NKD1: variants seen among roughly 807,000 people sequenced by gnomAD.
NKD1 encodes NKD inhibitor of Wnt signaling pathway 1.
Under a neutral mutation model 56.0 loss-of-function variants are expected in NKD1, and 21 were observed. The ratio of observed to expected loss-of-function variants is 0.38; its 90% CI spans 0.27 to 0.54. The LOEUF is 0.54. NKD1 is among the 20% of genes least tolerant of loss of function. The pLI is 0.82. For synonymous variants in NKD1, 263 were observed against 265.7 expected (o/e 0.99, Z 0.10); for missense variants, 578 against 642.7 (o/e 0.90, Z 1.09).
rs762504968 is a variant in NKD1, at chr16:50,633,194, T to G, written c.826T>G (p.Ser276Ala). 1 of 1,601,044 alleles carries G rather than the reference T, an allele frequency of 6.2e-7. No homozygotes were observed. The highest frequency in any genetic ancestry group is 2.2e-5 in the East Asian group (1 of 44,652). The change falls in exon 10 of 10, where the codon TCC becomes GCC. Residue 276 changes from serine to alanine, a missense_variant and splice_region_variant. By Grantham distance (99) the Ser-to-Ala change is moderately conservative. Coordinates refer to ENST00000268459, the MANE Select transcript of NKD1 (RefSeq NM_033119.5). The surrounding 1 kb of genome is among the most constrained non-coding windows in gnomAD (Gnocchi z 4.9). ...ATGTCTGTTGAATTGGTTCCTAGGC[T>G]CCCCTTCCGTGGCCCAGAAGTCAGA... The part of the protein sequence containing the change: ...ENYTSQFGPG[S>A]PSVAQKSELP...
intron 4 of NKD1, among the ~76,000 whole-genome samples, chr16:50,612,722 G>A (rs1232192311): frequency 6.6e-6 from 1 of 152,192 alleles, no homozygotes; most frequent in Non-Finnish European, 1.5e-5. Context: ...CCCCAGAGTG[G>A]AGGGAACTTG....
intron 3 of NKD1, chr16:50,606,948 C>T (rs943216485): frequency 2.2e-6 from 1 of 456,694 alleles, no homozygotes; most frequent in African/African-American, 2.0e-5. Context: ...CATCGTCTCC[C>T]AGCTCCCCTG....
chr16:50,580,364 G>A (rs1961091591), intron 3 of NKD1, among the ~76,000 whole-genome samples: 1 of 152,272 alleles, frequency 6.6e-6, no homozygotes, highest in South Asian at 2.1e-4. Flanking sequence ...TTAGAGCGGT[G>A]CCTTAGCAAA....
Position 50,648,141 on chromosome 16 carries a change from C to G in NKD1, c.*14360C>G, listed in dbSNP as rs541365168. The G allele has an allele frequency of 3.9e-4, 59 of 152,874 alleles. 1 individual carries two copies. The highest frequency in any genetic ancestry group is 1.4e-3 in the African/African-American group (58 of 41,580). 9.5% of individuals were successfully genotyped at this position (152,874 alleles called of 1,614,324 possible). The stretch of plus-strand genomic sequence containing the variant: ...CCTCCTTTTCTCTCTTCTATAGCCA[C>G]TCACTCCTGGGCCCCACTGTGAACC... On this transcript the variant is annotated 3_prime_UTR_variant, in exon 10 of 10. Coordinates refer to ENST00000268459, the MANE Select transcript of NKD1 (RefSeq NM_033119.5).
At chr16:50,621,304 G>A (rs998710041) in intron 4 of NKD1, among the ~76,000 whole-genome samples, 2 of 152,174 alleles carry the variant, frequency 1.3e-5, no homozygotes, top group African/African-American at 4.8e-5. Flanking sequence ...CTGCCCTCTG[G>A]CCTGACACTG....
intron 3 of NKD1, chr16:50,572,989 T>G (rs1232998077): frequency 2.4e-5 from 11 of 451,384 alleles, no homozygotes; most frequent in Non-Finnish European, 3.2e-5. Context: ...GTTGTGCAAA[T>G]GTAGGCAACT....
At chr16:50,557,705 A>C (rs1436389787) in intron 3 of NKD1, 1 of 152,244 alleles carries the variant, frequency 6.6e-6, no homozygotes, top group African/African-American at 2.4e-5. Flanking sequence ...TTGTCATGAT[A>C]GATTATTCTT....
chr16:50,596,924 G>C (rs1961485349), intron 3 of NKD1, among the ~76,000 whole-genome samples: 1 of 152,182 alleles, frequency 6.6e-6, no homozygotes, highest in Non-Finnish European at 1.5e-5. Context: ...CCTGAATGGG[G>C]AATGAGCTGA....
chr16:50,595,090 C>T (rs555910954), intron 3 of NKD1, among the ~76,000 whole-genome samples: 2 of 152,312 alleles, frequency 1.3e-5, no homozygotes, highest in East Asian at 3.9e-4. Flanking sequence ...GGTGCTCCAG[C>T]CCTTGGCAGT....
At chr16:50,568,105 C>T (rs531660770) in intron 3 of NKD1, among the ~76,000 whole-genome samples, 1 of 152,302 alleles carries the variant, frequency 6.6e-6, no homozygotes, top group South Asian at 2.1e-4. Context: ...TTGGATGGGC[C>T]CTTTGAGGGG....
At chr16:50,631,238 C>T (rs924007415) in intron 8 of NKD1, among the ~76,000 whole-genome samples, 1 of 152,064 alleles carries the variant, frequency 6.6e-6, no homozygotes, top group African/African-American at 2.4e-5. Flanking sequence ...AGATAAAGAC[C>T]GTAAACACCT....
At chr16:50,581,977 G>A (rs916617238) in intron 3 of NKD1, among the ~76,000 whole-genome samples, 5 of 152,162 alleles carry the variant, frequency 3.3e-5, no homozygotes, top group African/African-American at 9.7e-5. Context: ...TGGGGCTGCT[G>A]GGGTGGAAGG....
intron 3 of NKD1, chr16:50,574,980 A>G (rs1193229454): frequency 2.0e-6 from 2 of 985,226 alleles, no homozygotes; most frequent in Non-Finnish European, 1.2e-6. Flanking sequence ...TTAAAAGCAT[A>G]ACCCTGGTGC....
chr16:50,636,039 A>C lies in NKD1; in HGVS notation c.*2258A>C, dbSNP rs1342616612. On this transcript the variant is annotated 3_prime_UTR_variant, in exon 10 of 10. Transcript: ENST00000268459. ...TGCTGGCCTTCTGGGTCCCCTAACC[A>C]TAAGAAAAAGGACCTTCCGTTAGTG... The C allele has an allele frequency of 6.6e-6, 1 of 152,326 alleles. No individual in the cohort carries two copies. Among genetic ancestry groups the C allele is most frequent in the East Asian group, 1.9e-4 (1 of 5,168 alleles). The allele number at this position is 152,326 out of a possible 1,614,324, so 9.4% of individuals were successfully genotyped here. A position where few individuals can be genotyped will look rare whatever the true frequency, so the allele number is the denominator to read the frequency against.
chr16:50,621,007 G>A (rs973719525), intron 4 of NKD1, among the ~76,000 whole-genome samples: 4 of 152,222 alleles, frequency 2.6e-5, no homozygotes, highest in African/African-American at 7.2e-5. Context: ...CAGGTGTGAT[G>A]CATGAGTGTA....
In NKD1 at chr16:50,598,373, C is replaced by A. The variant is rs1177767047; in HGVS notation, c.193-9921C>A. Among the ~76,000 whole-genome samples, 1 of 152,110 alleles carries A rather than the reference C, an allele frequency of 6.6e-6. No individual in the cohort carries two copies. Among genetic ancestry groups the A allele is most frequent in the East Asian group, 1.9e-4 (1 of 5,180 alleles). On this transcript the variant is annotated intron_variant, in intron 3 of 9. Coordinates refer to ENST00000268459, the MANE Select transcript of NKD1 (RefSeq NM_033119.5). This position sits in a 1 kb window ranked among gnomAD's most constrained non-coding sequence, Gnocchi z 4.2. The stretch of plus-strand genomic sequence containing the variant: ...TCTGTTTCGTTTAGGTTCAGAAAAG[C>A]AAGAAGCTCAAGCCCTTCATTCCTG...
At position 50,575,236 on chromosome 16, in the gene NKD1, A is replaced by G. The variant is rs1351890092; in HGVS notation, c.192+25681A>G. On this transcript the variant is annotated intron_variant, in intron 3 of 9. Transcript: ENST00000268459. The stretch of plus-strand genomic sequence containing the variant: ...AAGTTCTTTAACTAGGGGCTGAGAG[A>G]TAGGGAGGCCAGTCTTCTGGGGTAA... The G allele has an allele frequency of 9.1e-6, 9 of 985,314 alleles. No individual in the cohort carries two copies. In the South Asian group the frequency reaches 2.8e-4, roughly 31 times the overall value. 61.0% of individuals were successfully genotyped at this position (985,314 alleles called of 1,614,324 possible). A position where few individuals can be genotyped will look rare whatever the true frequency, so the allele number is the denominator to read the frequency against.
Position 50,636,241 on chromosome 16 carries a change from C to G in NKD1, c.*2460C>G, listed in dbSNP as rs865797251. On this transcript the variant is annotated 3_prime_UTR_variant, in exon 10 of 10. Coordinates refer to ENST00000268459, the MANE Select transcript of NKD1 (RefSeq NM_033119.5). ...ACAGGAAGTAATGGCATCCCAGGCCCCGAATTGCTGCAACCCTGGAGGCCA... is the reference window on the plus strand; with the variant it reads ...ACAGGAAGTAATGGCATCCCAGGCCGCGAATTGCTGCAACCCTGGAGGCCA... 6.6e-6 allele frequency: 1 copy of G among 152,106 alleles called. No individual in the cohort carries two copies. Among genetic ancestry groups the G allele is most frequent in the African/African-American group, 2.4e-5 (1 of 41,400 alleles). The allele number at this position is 152,106 out of a possible 1,614,324, so 9.4% of individuals were successfully genotyped here.
intron 3 of NKD1, among the ~76,000 whole-genome samples, chr16:50,560,893 C>G (rs1445560666): frequency 2.8e-5 from 4 of 145,350 alleles, no homozygotes; most frequent in Non-Finnish European, 4.6e-5. Flanking sequence ...AAATATAATT[C>G]TTACTATAGG....
Sources: allele counts gnomAD v4.1 joint callset (sites outside exome capture counted in the v4.1 genomes callset), GRCh38; gene constraint gnomAD v4.1.1; non-coding constraint Gnocchi (gnomAD v3.1); transcripts MANE v1.5; gene names NCBI Gene and HGNC (gene_info 2026-07-23, HGNC 2026-07-21).